PLEKHA5: variants seen among roughly 807,000 people sequenced by gnomAD.
PLEKHA5 encodes pleckstrin homology domain-containing family A member 5.
Under a neutral mutation model 181.9 loss-of-function variants are expected in PLEKHA5, and 55 were observed. The ratio of observed to expected loss-of-function variants is 0.30; its 90% CI spans 0.24 to 0.38. PLEKHA5 has a LOEUF of 0.38. Ranked by LOEUF, PLEKHA5 falls within the 10% of genes least tolerant of loss-of-function variation. The pLI, the probability that PLEKHA5 is intolerant of heterozygous loss-of-function variation, is 1.00. For synonymous variants in PLEKHA5, 535 were observed against 529.4 expected (o/e 1.01, Z -0.15); for missense variants, 1,432 against 1,549.5 (o/e 0.92, Z 1.27).
chr12:19,323,815 CAA>C lies in PLEKHA5; in HGVS notation c.2448+1164_2448+1165del, dbSNP rs376204923. Among the ~76,000 whole-genome samples, 317 of 115,964 alleles carry C rather than the reference CAA, an allele frequency of 2.7e-3. 1 individual carries two copies. The highest frequency in any genetic ancestry group is 3.0e-3 in the Non-Finnish European group (168 of 55,164). The allele number at this position is 115,964 out of a possible 152,430, so 76.1% of individuals were successfully genotyped here. On this transcript the variant is annotated intron_variant, in intron 20 of 31. Coordinates refer to ENST00000429027, the MANE Select transcript of PLEKHA5 (RefSeq NM_001256470.2). ...TGGGCAACAGAGTGAGACTCTGTTT[CAA>C]AAAAAAAAAAAAAAAGAAAGAAATG...
At chr12:19,154,682 T>C (rs533609354) in intron 3 of PLEKHA5, 1 of 152,342 alleles carries the variant, frequency 6.6e-6, no homozygotes, top group African/African-American at 2.4e-5. Context: ...TTTGTATTCA[T>C]TGATGGAAGC....
chr12:19,254,294 GTTAGATTA>G (rs1469009948), intron 4 of PLEKHA5, among the ~76,000 whole-genome samples: 1 of 152,106 alleles, frequency 6.6e-6, no homozygotes, highest in Non-Finnish European at 1.5e-5. Flanking sequence ...TGTGTAAATG[GTTAGATTA>G]TTAAACTAAT....
intron 10 of PLEKHA5, among the ~76,000 whole-genome samples, chr12:19,271,839 A>G (rs1035654829): frequency 6.6e-5 from 10 of 152,092 alleles, no homozygotes; most frequent in African/African-American, 2.4e-4. Context: ...TATTAATACC[A>G]CCTGCGTGCC....
intron 15 of PLEKHA5, among the ~76,000 whole-genome samples, chr12:19,310,862 C>T (rs1006358701): frequency 6.6e-6 from 1 of 151,900 alleles, no homozygotes; most frequent in Non-Finnish European, 1.5e-5. Context: ...AGCATTATGT[C>T]TAAGAAAAAA....
intron 3 of PLEKHA5, among the ~76,000 whole-genome samples, chr12:19,156,370 C>A (rs78096867): frequency 0.01 from 1,520 of 151,918 alleles, 14 homozygotes; most frequent in African/African-American, 0.03. Flanking sequence ...AGGTGAAACC[C>A]ATGTATTATT....
intron 3 of PLEKHA5, chr12:19,207,403 G>A (rs1395553467): frequency 6.6e-6 from 1 of 151,936 alleles, no homozygotes; most frequent in African/African-American, 2.4e-5. Flanking sequence ...CAATGGCAAG[G>A]GTGTCTTTGC....
At chr12:19,202,404 G>A (rs1248971003) in intron 3 of PLEKHA5, among the ~76,000 whole-genome samples, 1 of 152,056 alleles carries the variant, frequency 6.6e-6, no homozygotes, top group Non-Finnish European at 1.5e-5. Context: ...AAGTTGAAAG[G>A]CTGTGAACTG....
chr12:19,321,973 T>C (rs1403157726), intron 18 of PLEKHA5, among the ~76,000 whole-genome samples: 2 of 152,168 alleles, frequency 1.3e-5, no homozygotes, highest in Non-Finnish European at 2.9e-5. Context: ...TGATGAAAGT[T>C]ATTTTTCTCC....
chr12:19,283,597 T>G lies in PLEKHA5; in HGVS notation c.1631T>G (p.Met544Arg), dbSNP rs753473143. 1.9e-6 allele frequency: 3 copies of G among 1,614,164 alleles called. No individual in the cohort carries two copies. Among genetic ancestry groups the G allele is most frequent in the Non-Finnish European group, 1.7e-6 (2 of 1,180,022 alleles). The change falls in exon 12 of 32, where the codon ATG becomes AGG. Residue 544 changes from methionine (M) to arginine (R), a missense_variant. Coordinates refer to ENST00000429027, the MANE Select transcript of PLEKHA5 (RefSeq NM_001256470.2). ...KTMVNISDQT[M>R]HSIPTSPSHG... Reference sequence around the variant, plus strand: ...ATGGTAAATATTTCTGACCAGACAATGCACTCTATTCCCACATCACCTTCC... The same window carrying G: ...ATGGTAAATATTTCTGACCAGACAAGGCACTCTATTCCCACATCACCTTCC...
intron 3 of PLEKHA5, among the ~76,000 whole-genome samples, chr12:19,252,519 C>G (rs1455424505): frequency 6.6e-6 from 1 of 151,908 alleles, no homozygotes; most frequent in Admixed American, 6.6e-5. Flanking sequence ...TTTTTTCCTT[C>G]TTTCATTCAA....
At chr12:19,322,453 T>C in intron 19 of PLEKHA5, 63 bp downstream of exon 19, 1 of 1,577,028 alleles carries the variant, frequency 6.3e-7, no homozygotes. Context: ...ATCAGGACAC[T>C]GATAAGTAAA....
At chr12:19,369,889 T>G (rs768108495) in intron 31 of PLEKHA5, 91 bp downstream of exon 31, 22 of 690,214 alleles carry the variant, frequency 3.2e-5, no homozygotes, top group Non-Finnish European at 5.4e-5. Context: ...CTGGGATTAG[T>G]TCTGGACTGT....
chr12:19,133,336 A>G (rs2034579917), intron 3 of PLEKHA5, among the ~76,000 whole-genome samples: 1 of 151,986 alleles, frequency 6.6e-6, no homozygotes, highest in African/African-American at 2.4e-5. Context: ...TCCCCCAACG[A>G]AAAATATGGG....
Position 19,357,626 on chromosome 12 carries a change from T to G in PLEKHA5, c.3139-602T>G, listed in dbSNP as rs138276874. ...TGGAACTGAGTTATGGGGGTTTGTT[T>G]GTTTGTTTGTTTGTTTGTTTGAGAT... On this transcript the variant is annotated intron_variant, in intron 26 of 31. Transcript: ENST00000429027. Among the ~76,000 whole-genome samples, 988 of 151,790 alleles carry G rather than the reference T, an allele frequency of 6.5e-3. 8 individuals carry two copies. Among genetic ancestry groups the G allele is most frequent in the African/African-American group, 0.023 (935 of 41,284 alleles).
intron 10 of PLEKHA5, 103 bp from the exon 11 acceptor site, chr12:19,274,413 T>C: frequency 4.1e-6 from 3 of 737,128 alleles, no homozygotes; most frequent in East Asian, 5.3e-5. Context: ...TCCAGTCCCC[T>C]GGCCCCCACC....
At chr12:19,183,978 G>A (rs149791593) in intron 3 of PLEKHA5, among the ~76,000 whole-genome samples, 1 of 152,050 alleles carries the variant, frequency 6.6e-6, no homozygotes, top group African/African-American at 2.4e-5. Context: ...GCCTCCCAAA[G>A]TGCTGGGATT....
chr12:19,217,571 C>T (rs939251600), intron 3 of PLEKHA5, among the ~76,000 whole-genome samples: 3 of 152,116 alleles, frequency 2.0e-5, no homozygotes, highest in African/African-American at 7.2e-5. Flanking sequence ...AAATACAGCC[C>T]ATGAAGGAAG....
chr12:19,287,726 C>A (rs927852014), intron 13 of PLEKHA5, among the ~76,000 whole-genome samples, 170 bp downstream of exon 13: 3 of 152,162 alleles, frequency 2.0e-5, no homozygotes, highest in Non-Finnish European at 4.4e-5. Flanking sequence ...GTAGCCATTT[C>A]AGTGTTTTAG....
chr12:19,161,396 T>C (rs1473868480), intron 3 of PLEKHA5, among the ~76,000 whole-genome samples: 3 of 152,078 alleles, frequency 2.0e-5, no homozygotes, highest in Non-Finnish European at 4.4e-5. Context: ...GAAAATACGT[T>C]CTCCAAAAAT....
Sources: allele counts gnomAD v4.1 joint callset (sites outside exome capture counted in the v4.1 genomes callset), GRCh38; gene constraint gnomAD v4.1.1; transcripts MANE v1.5; gene names NCBI Gene and HGNC (gene_info 2026-07-23, HGNC 2026-07-21).